Variants in ALCAM observed in about 807,000 individuals in gnomAD.
ALCAM encodes the protein activated leukocyte cell adhesion molecule, also known as CD166 antigen.
In ALCAM, 30 loss-of-function variants were observed where a neutral mutation model predicts 70.9. The observed-to-expected ratio is 0.42, with a 90% CI of 0.32 to 0.57. The LOEUF (loss-of-function observed/expected upper bound fraction) is 0.57, where lower values mean the gene tolerates loss of function less well. ALCAM is among the 20% of genes least tolerant of loss of function. The probability of loss-of-function intolerance (pLI) is 0.11; values close to 1 mark genes in which losing one functional copy is unlikely to be tolerated. For synonymous variants in ALCAM, 249 were observed against 242.5 expected (o/e 1.03, Z -0.25); for missense variants, 591 against 695.1 (o/e 0.85, Z 1.68).
At position 105,550,114 on chromosome 3, in the gene ALCAM, C is replaced by T. The variant is rs543045308; in HGVS notation, c.1375-13C>T. 9.6e-6 allele frequency: 15 copies of T among 1,567,626 alleles called. No individual in the cohort carries two copies. The highest frequency in any genetic ancestry group is 9.1e-5 in the Admixed American group (5 of 54,754). Reference sequence around the variant, plus strand: ...TTTGATTTCTAAACCCACCTTTTTTCTTCTTTTTCCAGACAGAGGAATCTC... The same window carrying T: ...TTTGATTTCTAAACCCACCTTTTTTTTTCTTTTTCCAGACAGAGGAATCTC... On this transcript the variant is annotated splice_polypyrimidine_tract_variant and intron_variant, in intron 11 of 15. Transcript: ENST00000306107.
chr3:105,563,650 T>G (rs1204779621), intron 14 of ALCAM, among the ~76,000 whole-genome samples: 1 of 147,496 alleles, frequency 6.8e-6, no homozygotes, highest in Non-Finnish European at 1.5e-5. Context: ...TAGACCTGTA[T>G]GAAATTCCAA....
intron 12 of ALCAM, 108 bp downstream of exon 12, chr3:105,550,367 A>G (rs946559697): frequency 3.5e-6 from 4 of 1,140,074 alleles, no homozygotes; most frequent in Non-Finnish European, 3.6e-6. Context: ...GGTAAGTTTT[A>G]TTTATTTATT....
intron 1 of ALCAM, among the ~76,000 whole-genome samples, chr3:105,398,230 T>C (rs778516458): frequency 2.6e-5 from 4 of 152,076 alleles, no homozygotes; most frequent in Non-Finnish European, 5.9e-5. Context: ...GCTGTCTATA[T>C]ACCAAAACTT....
chr3:105,443,878 T>G (rs1281540347), intron 1 of ALCAM, among the ~76,000 whole-genome samples: 2 of 151,836 alleles, frequency 1.3e-5, no homozygotes, highest in Non-Finnish European at 2.9e-5. Context: ...CCACACCCAA[T>G]TTTAGAGGAC....
intron 1 of ALCAM, among the ~76,000 whole-genome samples, chr3:105,390,292 A>C (rs1365862050): frequency 6.6e-6 from 1 of 152,028 alleles, no homozygotes. Context: ...CGCCATTCTG[A>C]CTGGGATGAA....
At chr3:105,416,031 G>C (rs1175459744) in intron 1 of ALCAM, among the ~76,000 whole-genome samples, 1 of 151,878 alleles carries the variant, frequency 6.6e-6, no homozygotes, top group Non-Finnish European at 1.5e-5. Flanking sequence ...AAGCTCTTTG[G>C]GGCAGTCTTG....
chr3:105,427,583 C>T (rs1183138171), intron 1 of ALCAM, among the ~76,000 whole-genome samples: 2 of 151,776 alleles, frequency 1.3e-5, no homozygotes, highest in East Asian at 3.9e-4. Context: ...TCTTCATCTA[C>T]CCACCCCCTC....
chr3:105,452,086 T>TTTTTCA lies in ALCAM; in HGVS notation c.74-67976_74-67971dup, dbSNP rs1937442186. ...TTCCAGTATCTTAGTGAAATAATTTTTTTTCATTTTTTGGTTTTTTTTTCT... is the reference window on the plus strand; with the variant it reads ...TTCCAGTATCTTAGTGAAATAATTTTTTTTCATTTTCATTTTTTGGTTTTTTTTTCT... On this transcript the variant is annotated intron_variant, in intron 1 of 15. Coordinates refer to ENST00000306107, the MANE Select transcript of ALCAM (RefSeq NM_001627.4). Among the ~76,000 whole-genome samples the TTTTTCA allele has an allele frequency of 2.6e-5, 4 of 151,450 alleles. No homozygotes were observed. The South Asian group carries it at 8.3e-4, about 32-fold the overall frequency.
At chr3:105,440,578 A>T (rs1937148117) in intron 1 of ALCAM, among the ~76,000 whole-genome samples, 3 of 152,122 alleles carry the variant, frequency 2.0e-5, no homozygotes, top group Admixed American at 6.5e-5. Context: ...CTTCCTTTTT[A>T]AAAAAAGCCA....
intron 1 of ALCAM, among the ~76,000 whole-genome samples, chr3:105,415,132 A>G (rs1936477125): frequency 1.3e-5 from 2 of 152,236 alleles, no homozygotes; most frequent in South Asian, 4.1e-4. Context: ...ATGTTGGAAG[A>G]GTTGATAGAT....
intron 1 of ALCAM, among the ~76,000 whole-genome samples, chr3:105,496,793 T>C (rs1938751727): frequency 6.6e-6 from 1 of 151,584 alleles, no homozygotes; most frequent in Admixed American, 6.6e-5. Flanking sequence ...GCTTGGTGCA[T>C]TGGTGCAGTT....
At chr3:105,524,753 A>AG in intron 3 of ALCAM, 6 of 1,253,194 alleles carry the variant, frequency 4.8e-6, no homozygotes, top group Non-Finnish European at 6.0e-6. Context: ...GTCATGTAAA[A>AG]ATGTCGTGAG....
intron 1 of ALCAM, among the ~76,000 whole-genome samples, chr3:105,372,583 AC>A (rs1376664267): frequency 2.6e-5 from 4 of 152,104 alleles, no homozygotes; most frequent in African/African-American, 9.7e-5. Context: ...ACAATCCAAA[AC>A]ATCTTCTAAC....
intron 1 of ALCAM, among the ~76,000 whole-genome samples, chr3:105,474,995 T>A (rs943015368): frequency 1.3e-5 from 2 of 151,360 alleles, no homozygotes; most frequent in Non-Finnish European, 3.0e-5. Flanking sequence ...CAAAAAAAAA[T>A]TTAATTATCT....
chr3:105,526,286 TAA>T (rs71700885), intron 3 of ALCAM, among the ~76,000 whole-genome samples: 53 of 134,944 alleles, frequency 3.9e-4, no homozygotes, highest in East Asian at 4.3e-4. Flanking sequence ...AAACATTTTG[TAA>T]AAAAAAAAAA....
At chr3:105,523,803 A>G (rs1939618140) in intron 2 of ALCAM, among the ~76,000 whole-genome samples, 1 of 152,260 alleles carries the variant, frequency 6.6e-6, no homozygotes, top group African/African-American at 2.4e-5. Context: ...TATTCCATGT[A>G]TAAAGGTCAG....
chr3:105,419,362 C>G (rs1253897734), intron 1 of ALCAM, among the ~76,000 whole-genome samples: 1 of 151,684 alleles, frequency 6.6e-6, no homozygotes, highest in East Asian at 1.9e-4. Flanking sequence ...GAAACAGGTA[C>G]ATTCTGACTA....
intron 1 of ALCAM, among the ~76,000 whole-genome samples, chr3:105,416,139 C>T (rs1429376642): frequency 6.6e-6 from 1 of 151,986 alleles, no homozygotes; most frequent in Non-Finnish European, 1.5e-5. Flanking sequence ...TGACTTTGTT[C>T]TTTCTCTTAA....
At chr3:105,416,304 T>C (rs998715618) in intron 1 of ALCAM, among the ~76,000 whole-genome samples, 1 of 152,008 alleles carries the variant, frequency 6.6e-6, no homozygotes, top group African/African-American at 2.4e-5. Context: ...ATTTAATATC[T>C]CCTTAACACT....
Sources: gnomAD v4.1 joint callset for allele counts (sites outside exome capture counted in the v4.1 genomes callset) on GRCh38, gnomAD v4.1.1 for gene constraint, MANE v1.5 for transcripts, NCBI Gene and HGNC (gene_info 2026-07-23, HGNC 2026-07-21) for gene names.